The following COL5A3 variants were observed in gnomAD, a reference collection of about 807,000 sequenced individuals.
COL5A3 encodes the protein collagen type V alpha 3 chain.
In COL5A3, 172 loss-of-function variants were observed where a neutral mutation model predicts 250.0. That is an observed-to-expected ratio of 0.69 (90% CI 0.61 to 0.78). The LOEUF is 0.78. COL5A3 is among the 30% of genes least tolerant of loss of function. The pLI, the probability that COL5A3 is intolerant of heterozygous loss-of-function variation, is 0.00. For missense variants in COL5A3, 2,340 were observed against 2,334.4 expected (o/e 1.00, Z -0.05); for synonymous variants, 937 against 900.4 (o/e 1.04, Z -0.73).
At chr19:9,985,944 AG>A in intron 30 of COL5A3, 49 bp from the exon 31 acceptor site, 1 of 1,568,884 alleles carries the variant, frequency 6.4e-7, no homozygotes. Flanking sequence ...CCTGGAGGTC[AG>A]AGGCGGAAAG....
At position 9,967,406 on chromosome 19, in the gene COL5A3, G is replaced by C; in HGVS notation, c.4405-6C>G. Reference sequence around the variant, plus strand: ...CCACGGGGGCCCATGGACCCCTGTAGGGAGAAGTCACTTGGAGAATGAACC... The same window carrying C: ...CCACGGGGGCCCATGGACCCCTGTACGGAGAAGTCACTTGGAGAATGAACC... On this transcript the variant is annotated splice_region_variant and splice_polypyrimidine_tract_variant and intron_variant, in intron 61 of 66. Transcript: ENST00000264828. 1.3e-6 allele frequency: 2 copies of C among 1,500,160 alleles called. No homozygotes were observed. Among genetic ancestry groups the C allele is most frequent in the Non-Finnish European group, 8.8e-7 (1 of 1,132,996 alleles). 92.9% of individuals were successfully genotyped at this position (1,500,160 alleles called of 1,614,324 possible). A position where few individuals can be genotyped will look rare whatever the true frequency, so the allele number is the denominator to read the frequency against.
chr19:9,970,315 CTG>C (rs1435255578), intron 54 of COL5A3, among the ~76,000 whole-genome samples: 1 of 77,634 alleles, frequency 1.3e-5, no homozygotes, highest in African/African-American at 5.5e-5. Flanking sequence ...TGAGTGGAAT[CTG>C]TGGGTGAGTG....
chr19:9,991,556 A>G, intron 24 of COL5A3, 54 bp downstream of exon 24: 3 of 1,464,900 alleles, frequency 2.0e-6, no homozygotes, highest in Non-Finnish European at 2.8e-6. Context: ...TCCTGGCAAC[A>G]GAGTTGAAGG....
chr19:10,003,889 G>T, intron 5 of COL5A3, 152 bp downstream of exon 5: 1 of 1,010,686 alleles, frequency 9.9e-7, no homozygotes, highest in Non-Finnish European at 1.5e-6. Flanking sequence ...TATGACTTGA[G>T]GTCAAAGTCA....
chr19:10,005,013 C>T (rs568573326), intron 4 of COL5A3, among the ~76,000 whole-genome samples: 1 of 150,356 alleles, frequency 6.7e-6, no homozygotes, highest in East Asian at 2.0e-4. Flanking sequence ...CACAAGCATG[C>T]ACTGGCACAA....
In COL5A3 at chr19:10,001,855, C is replaced by A; in HGVS notation, c.876G>T (p.Glu292Asp). The A allele has an allele frequency of 6.2e-7, 1 of 1,614,056 alleles. No homozygotes were observed. Among genetic ancestry groups the A allele is most frequent in the Non-Finnish European group, 8.5e-7 (1 of 1,179,988 alleles). ...TCGGAGGCAGATTTGGAGCTGGAGT[C>A]TCTGTCTTGGGGATGTCAGTGGAGG... ...NQTSTDIPKT[E>D]TPAPNLPPTP... Residue 292 changes from glutamate (E) to aspartate (D), a missense_variant, in exon 7 of 67, where the codon GAG becomes GAT. Glu to Asp is a conservative substitution (Grantham distance 45). Around this residue, in one of 3 missense-constraint regions of COL5A3, gnomAD observed 1,152 missense variants for 1,146.3 expected, o/e 1.00. Coordinates refer to ENST00000264828, the MANE Select transcript of COL5A3 (RefSeq NM_015719.4).
intron 8 of COL5A3, among the ~76,000 whole-genome samples, chr19:10,000,977 T>C (rs937720916): frequency 1.3e-5 from 2 of 151,776 alleles, no homozygotes; most frequent in African/African-American, 4.8e-5. Flanking sequence ...TCAGGAAAAA[T>C]AACTAATGGG....
chr19:9,989,304 A>C lies in COL5A3; in HGVS notation c.2091+18T>G. On this transcript the variant is annotated intron_variant, in intron 26 of 66. Coordinates refer to ENST00000264828, the MANE Select transcript of COL5A3 (RefSeq NM_015719.4). The stretch of plus-strand genomic sequence containing the variant: ...CCGACCCTCGTCCCCAACCCAGCCT[A>C]ACCTCCTGGTCACTCACCTGAGCCC... 1 of 1,614,042 alleles carries C rather than the reference A, an allele frequency of 6.2e-7. No individual in the cohort carries two copies. The highest frequency in any genetic ancestry group is 2.2e-5 in the East Asian group (1 of 44,888).
intron 30 of COL5A3, among the ~76,000 whole-genome samples, 171 bp from the exon 31 acceptor site, chr19:9,986,066 GC>G (rs1287196128): frequency 6.6e-6 from 1 of 152,198 alleles, no homozygotes; most frequent in Non-Finnish European, 1.5e-5. Context: ...AGGTCATTCA[GC>G]CATTCCAAGT....
intron 8 of COL5A3, among the ~76,000 whole-genome samples, chr19:10,000,225 C>G (rs2087339229): frequency 6.6e-6 from 1 of 152,112 alleles, no homozygotes; most frequent in African/African-American, 2.4e-5. Flanking sequence ...CAATTCTCGT[C>G]TCTCTTGTTT....
chr19:9,976,227 GAGA>G (rs919673230), intron 45 of COL5A3, among the ~76,000 whole-genome samples: 4 of 152,122 alleles, frequency 2.6e-5, no homozygotes, highest in East Asian at 1.9e-4. Context: ...TGTTGGTATT[GAGA>G]AGAAGACATG....
chr19:9,979,313 A>G (rs373479849), intron 38 of COL5A3, 51 bp downstream of exon 38: 7 of 1,609,540 alleles, frequency 4.3e-6, no homozygotes, highest in African/African-American at 1.3e-5. Flanking sequence ...TTTCCCCTAA[A>G]TATCCCCCAA....
At chr19:9,966,473 G>A in intron 63 of COL5A3, 47 bp from the exon 64 acceptor site, 1 of 1,571,398 alleles carries the variant, frequency 6.4e-7, no homozygotes, top group Non-Finnish European at 8.6e-7. Flanking sequence ...GGGACCCGAC[G>A]GACCCCAACC....
chr19:10,006,761 T>C (rs1237880950), intron 1 of COL5A3, among the ~76,000 whole-genome samples: 2 of 151,780 alleles, frequency 1.3e-5, no homozygotes, highest in Non-Finnish European at 2.9e-5. Context: ...CCTCTGACCA[T>C]CTGCCTCTGA....
chr19:10,000,274 A>G (rs181662138), intron 8 of COL5A3, among the ~76,000 whole-genome samples: 3 of 151,824 alleles, frequency 2.0e-5, no homozygotes, highest in African/African-American at 7.3e-5. Flanking sequence ...GGGTTCGGTT[A>G]CATCGAATGC....
At chr19:9,970,156 T>G (rs761050182) in intron 54 of COL5A3, among the ~76,000 whole-genome samples, 10 of 31,576 alleles carry the variant, frequency 3.2e-4, no homozygotes, top group African/African-American at 6.0e-4. Flanking sequence ...GTGAGTGGGG[T>G]CTGTGGGGTG....
chr19:9,984,684 T>A (rs919512540), intron 31 of COL5A3, among the ~76,000 whole-genome samples: 2 of 152,152 alleles, frequency 1.3e-5, no homozygotes, highest in African/African-American at 4.8e-5. Context: ...TGGAAATTAC[T>A]GGGATGTCTG....
chr19:9,972,699 G>C (rs1398393842), intron 51 of COL5A3, among the ~76,000 whole-genome samples: 1 of 152,142 alleles, frequency 6.6e-6, no homozygotes, highest in Non-Finnish European at 1.5e-5. Context: ...AGCTGGGTGT[G>C]GTGGCGCGTG....
At position 9,996,135 on chromosome 19, in the gene COL5A3, A is replaced by G; in HGVS notation, c.1480-16T>C. The G allele has an allele frequency of 6.4e-7, 1 of 1,562,634 alleles. No individual in the cohort carries two copies. The highest frequency in any genetic ancestry group is 8.6e-7 in the Non-Finnish European group (1 of 1,157,180). ...CGGGGAGACCCTTGGGGGAGGAGAG[A>G]TGGAGGAGTGTGGGTAGATGATTCT... On this transcript the variant is annotated splice_polypyrimidine_tract_variant and intron_variant, in intron 14 of 66. Coordinates refer to ENST00000264828, the MANE Select transcript of COL5A3 (RefSeq NM_015719.4).
Sources: allele counts gnomAD v4.1 joint callset (sites outside exome capture counted in the v4.1 genomes callset), GRCh38; gene constraint gnomAD v4.1.1; regional missense constraint gnomAD v4.1.1; transcripts MANE v1.5; gene names NCBI Gene and HGNC (gene_info 2026-07-23, HGNC 2026-07-21).